The following KCNA7 variants were observed in gnomAD, a reference collection of about 807,000 sequenced individuals.
The protein encoded by KCNA7 is potassium channel, voltage gated shaker related subfamily A, member 7.
Under a neutral mutation model 21.5 loss-of-function variants are expected in KCNA7, and 15 were observed. That is an observed-to-expected ratio of 0.70 (90% CI 0.47 to 1.07). The LOEUF (loss-of-function observed/expected upper bound fraction) is 1.07, where lower values mean the gene tolerates loss of function less well. KCNA7 is among the 50% of genes least tolerant of loss of function. KCNA7 has a pLI of 0.00. For missense variants in KCNA7, 640 were observed against 651.6 expected (o/e 0.98, Z 0.19); for synonymous variants, 298 against 291.0 (o/e 1.02, Z -0.24).
chr19:49,071,952 A>C, intron 1 of KCNA7, 79 bp downstream of exon 1: 1 of 1,226,014 alleles, frequency 8.2e-7, no homozygotes, highest in South Asian at 1.5e-5. Context: ...GCCCCGCCTT[A>C]TGATTGGCCA....
In KCNA7 at chr19:49,070,209, C is replaced by G. The variant is rs1600256697; in HGVS notation, c.1225G>C (p.Glu409Gln). The G allele has an allele frequency of 2.5e-6, 4 of 1,614,230 alleles. No individual in the cohort carries two copies. The highest frequency in any genetic ancestry group is 2.5e-6 in the Non-Finnish European group (3 of 1,180,046). Residue 409 changes from glutamate to glutamine, a missense_variant, in exon 2 of 2, where the codon GAG becomes CAG. Glu to Gln is a conservative substitution (Grantham distance 29, BLOSUM62 2). Coordinates refer to ENST00000221444, the MANE Select transcript of KCNA7 (RefSeq NM_031886.3). The surrounding 1 kb of genome is among the most constrained non-coding windows in gnomAD (Gnocchi z 4.3). Reference sequence around the variant, plus strand: ...TCCACATGGCTGAACATCCCAGCCTCTTCGCCCTCTGTCTCCCGGTGATAA... The same window carrying G: ...TCCACATGGCTGAACATCCCAGCCTGTTCGCCCTCTGTCTCCCGGTGATAA... ...YFYHRETEGEEAGMFSHVDMQ... is the reference protein window; with the variant it reads ...YFYHRETEGEQAGMFSHVDMQ...
In KCNA7 at chr19:49,072,285, C is replaced by T. The variant is rs768078948; in HGVS notation, c.301G>A (p.Ala101Thr). The change falls in exon 1 of 2, where the codon GCG (alanine) becomes ACG (threonine). Residue 101 changes from alanine (A) to threonine (T), a missense_variant. Physicochemically the swap from Ala to Thr is moderately conservative, Grantham distance 58. Coordinates refer to ENST00000221444, the MANE Select transcript of KCNA7 (RefSeq NM_031886.3). ...TCCTCGCGCAGGCGTGCCAGGGCCGCCGCGCCCAGCCCGTAGAAGGCCACC... is the reference window on the plus strand; with the variant it reads ...TCCTCGCGCAGGCGTGCCAGGGCCGTCGCGCCCAGCCCGTAGAAGGCCACC... ...EEVAFYGLGA[A>T]ALARLREDEG... The T allele has an allele frequency of 2.5e-6, 4 of 1,581,204 alleles. No homozygotes were observed. Among genetic ancestry groups the T allele is most frequent in the Non-Finnish European group, 1.7e-6 (2 of 1,168,474 alleles).
chr19:49,071,877 C>A (rs1355216064), intron 1 of KCNA7, among the ~76,000 whole-genome samples, 154 bp downstream of exon 1: 1 of 152,204 alleles, frequency 6.6e-6, no homozygotes, highest in South Asian at 2.1e-4. Flanking sequence ...GTCCTCCGAC[C>A]CGGATCCTCA....
Position 49,070,926 on chromosome 19 carries a change from C to T in KCNA7, c.556-48G>A, listed in dbSNP as rs368796641. ...GGAGGGTCAGGCTGGGGCTAGGACA[C>T]GGGGACAGCCTTAATCATCATTTAA... On this transcript the variant is annotated intron_variant, in intron 1 of 1. Coordinates refer to ENST00000221444, the MANE Select transcript of KCNA7 (RefSeq NM_031886.3). The surrounding 1 kb of genome is among the most constrained non-coding windows in gnomAD (Gnocchi z 4.3). The T allele has an allele frequency of 2.1e-4, 316 of 1,477,354 alleles. 1 individual carries two copies. In the African/African-American group the frequency reaches 3.4e-3, roughly 16 times the overall value. 91.5% of individuals were successfully genotyped at this position (1,477,354 alleles called of 1,614,324 possible).
rs775117076 is a variant in KCNA7 at position 49,070,417 on chromosome 19, G to A, written c.1017C>T (p.Asp339=). The A allele has an allele frequency of 3.1e-6, 5 of 1,613,994 alleles. No individual in the cohort carries two copies. The East Asian group carries it at 8.9e-5, about 29-fold the overall frequency. Residue 339 remains aspartate, a synonymous_variant, in exon 2 of 2, where the codon GAC becomes GAT. Coordinates refer to ENST00000221444, the MANE Select transcript of KCNA7 (RefSeq NM_031886.3). The surrounding 1 kb of genome is among the most constrained non-coding windows in gnomAD (Gnocchi z 4.3). ...ACTCAGGGATGCTAGTGAAATGGGA[G>A]TCCACCCGGTCAACTTCGGCAAAGT... ...AVYFAEVDRV[D]SHFTSIPESF... is the part of the protein sequence containing the mutation.
Position 49,071,284 on chromosome 19 carries a change from G to A in KCNA7, c.556-406C>T, listed in dbSNP as rs903637177. 2.1e-4 allele frequency among the ~76,000 whole-genome samples: 32 copies of A among 152,066 alleles called. 1 individual carries two copies. Among genetic ancestry groups the A allele is most frequent in the African/African-American group, 7.5e-4 (31 of 41,400 alleles). On this transcript the variant is annotated intron_variant, in intron 1 of 1. Coordinates refer to ENST00000221444, the MANE Select transcript of KCNA7 (RefSeq NM_031886.3). ...AGCCCAGAGTATAATGCGGCTGGGC[G>A]CGGTGGCTCACGTCTGTAATCCCAG...
Position 49,070,805 on chromosome 19 carries a change from A to G in KCNA7, c.629T>C (p.Phe210Ser). 1 of 1,614,212 alleles carries G rather than the reference A, an allele frequency of 6.2e-7. No homozygotes were observed. Among genetic ancestry groups the G allele is most frequent in the Non-Finnish European group, 8.5e-7 (1 of 1,180,036 alleles). Residue 210 changes from phenylalanine to serine, a missense_variant, in exon 2 of 2, where the codon TTC (phenylalanine) becomes TCC (serine). Phe to Ser is a radical substitution (Grantham distance 155). Coordinates refer to ENST00000221444, the MANE Select transcript of KCNA7 (RefSeq NM_031886.3). This position sits in a 1 kb window ranked among gnomAD's most constrained non-coding sequence, Gnocchi z 4.3. ...PPRLPFNDPF[F>S]VVETLCICWF... is the part of the protein sequence containing the mutation. ...ACAAATACACAGCGTCTCCACCACG[A>G]AGAACGGGTCATTGAAGGGCAGGCG...
rs115128299 is a variant in KCNA7 at position 49,071,984 on chromosome 19, A to G, written c.555+47T>C. 448 of 1,247,262 alleles carry G rather than the reference A, an allele frequency of 3.6e-4. 2 individuals carry two copies. The African/African-American group carries it at 6.6e-3, about 18-fold the overall frequency. The allele number at this position is 1,247,262 out of a possible 1,614,324, so 77.3% of individuals were successfully genotyped here. On this transcript the variant is annotated intron_variant, in intron 1 of 1. Coordinates refer to ENST00000221444, the MANE Select transcript of KCNA7 (RefSeq NM_031886.3). ...GCCAGGTCCCCTCTGGACCCCGCCC[A>G]TCTCCTCCCAAACCCCGCCCGTCTC...
chr19:49,072,596 G>T lies in KCNA7; in HGVS notation c.-11C>A. ...GCACCGCGGCTCCATGGCGCGCGCAGCCCCGGCGACCCGCGAACCGACGTG... is the reference window on the plus strand; with the variant it reads ...GCACCGCGGCTCCATGGCGCGCGCATCCCCGGCGACCCGCGAACCGACGTG... On this transcript the variant is annotated 5_prime_UTR_variant, in exon 1 of 2. In the 5' UTR this introduces an upstream ATG that the reference lacks. Transcript: ENST00000221444. The T allele has an allele frequency of 8.2e-7, 1 of 1,226,652 alleles. No homozygotes were observed. The highest frequency in any genetic ancestry group is 1.0e-6 in the Non-Finnish European group (1 of 987,488). The allele number at this position is 1,226,652 out of a possible 1,614,324, so 76.0% of individuals were successfully genotyped here. A position where few individuals can be genotyped will look rare whatever the true frequency, so the allele number is the denominator to read the frequency against.
rs981944698 is a variant in KCNA7 at position 49,070,999 on chromosome 19, C to A, written c.556-121G>T. 3.8e-6 allele frequency: 3 copies of A among 779,524 alleles called. No homozygotes were observed. In the African/African-American group the frequency reaches 5.3e-5, roughly 14 times the overall value. The allele number at this position is 779,524 out of a possible 1,614,324, so 48.3% of individuals were successfully genotyped here. A position where few individuals can be genotyped will look rare whatever the true frequency, so the allele number is the denominator to read the frequency against. On this transcript the variant is annotated intron_variant, in intron 1 of 1. Transcript: ENST00000221444. This position sits in a 1 kb window ranked among gnomAD's most constrained non-coding sequence, Gnocchi z 4.3. The stretch of plus-strand genomic sequence containing the variant: ...TTGGTCAGTAGCCGCTGCGCCAAGG[C>A]CCTCCGTGACCTGGTTATCCCAGAC...
Position 49,069,922 on chromosome 19 carries a change from C to G in KCNA7, c.*141G>C, listed in dbSNP as rs2040243963. ...CCAAACCACACAACCCAAGACCCAA[C>G]AAGACTCAGTGTTTCCCCACTCGTT... On this transcript the variant is annotated 3_prime_UTR_variant, in exon 2 of 2. Coordinates refer to ENST00000221444, the MANE Select transcript of KCNA7 (RefSeq NM_031886.3). 1 of 658,828 alleles carries G rather than the reference C, an allele frequency of 1.5e-6. No homozygotes were observed. Among genetic ancestry groups the G allele is most frequent in the Non-Finnish European group, 2.6e-6 (1 of 387,090 alleles). 40.8% of individuals were successfully genotyped at this position (658,828 alleles called of 1,614,324 possible). A position where few individuals can be genotyped will look rare whatever the true frequency, so the allele number is the denominator to read the frequency against.
Position 49,070,923 on chromosome 19 carries a change from A to G in KCNA7, c.556-45T>C. On this transcript the variant is annotated intron_variant, in intron 1 of 1. Transcript: ENST00000221444. This position sits in a 1 kb window ranked among gnomAD's most constrained non-coding sequence, Gnocchi z 4.3. ...CAGGGAGGGTCAGGCTGGGGCTAGG[A>G]CACGGGGACAGCCTTAATCATCATT... The G allele has an allele frequency of 6.7e-7, 1 of 1,496,648 alleles. No homozygotes were observed. The highest frequency in any genetic ancestry group is 2.3e-5 in the East Asian group (1 of 43,550). 92.7% of individuals were successfully genotyped at this position (1,496,648 alleles called of 1,614,324 possible).
At position 49,069,770 on chromosome 19, in the gene KCNA7, C is replaced by G. The variant is rs1600256373; in HGVS notation, c.*293G>C. ...CAAAATGATACGACCAAACCTATCT[C>G]AACACTACCCCAAAAGGCTCCATGA... On this transcript the variant is annotated 3_prime_UTR_variant, in exon 2 of 2. Transcript: ENST00000221444. 2.6e-6 allele frequency: 1 copy of G among 388,100 alleles called. No individual in the cohort carries two copies. Among genetic ancestry groups the G allele is most frequent in the Non-Finnish European group, 4.7e-6 (1 of 213,502 alleles). 24.0% of individuals were successfully genotyped at this position (388,100 alleles called of 1,614,324 possible).
rs1439203035 is a variant in KCNA7 at position 49,070,843 on chromosome 19, A to C, written c.591T>G (p.Pro197=). Residue 197 remains proline (P), a synonymous_variant, in exon 2 of 2, where the codon CCT becomes CCG. Transcript: ENST00000221444. This position sits in a 1 kb window ranked among gnomAD's most constrained non-coding sequence, Gnocchi z 4.3. Reference sequence around the variant, plus strand: ...TGAAGGGCAGGCGGGGTGGATTTCCAGGCATTTGGCTGGAGCCATTCAGCG... The same window carrying C: ...TGAAGGGCAGGCGGGGTGGATTTCCCGGCATTTGGCTGGAGCCATTCAGCG... ...PAPLNGSSQM[P]GNPPRLPFND... is the part of the protein sequence containing the mutation. 3 of 1,613,906 alleles carry C rather than the reference A, an allele frequency of 1.9e-6. No individual in the cohort carries two copies. The Admixed American group carries it at 5.0e-5, about 27-fold the overall frequency.
At chr19:49,071,144 G>A (rs1168516779) in intron 1 of KCNA7, among the ~76,000 whole-genome samples, 4 of 152,032 alleles carry the variant, frequency 2.6e-5, no homozygotes, top group Non-Finnish European at 5.9e-5. Context: ...TTTGAGTAGG[G>A]TGCAACCTCT....
In KCNA7 at chr19:49,070,622, G is replaced by A. The variant is rs2040250445; in HGVS notation, c.812C>T (p.Ala271Val). Reference sequence around the variant, plus strand: ...GACTCTCAGGATGGCCAGTGACATGGCCTGCTGGCCCACCCCTCGCTGCCG... The same window carrying A: ...GACTCTCAGGATGGCCAGTGACATGACCTGCTGGCCCACCCCTCGCTGCCG... Reference protein sequence around the residue: ...LARQRGVGQQAMSLAILRVIR... With the variant: ...LARQRGVGQQVMSLAILRVIR... Residue 271 changes from alanine to valine, a missense_variant, in exon 2 of 2, where the codon GCC becomes GTC. Physicochemically the swap from Ala to Val is moderately conservative, Grantham distance 64. Coordinates refer to ENST00000221444, the MANE Select transcript of KCNA7 (RefSeq NM_031886.3). This position sits in a 1 kb window ranked among gnomAD's most constrained non-coding sequence, Gnocchi z 4.3. 6.2e-7 allele frequency: 1 copy of A among 1,614,088 alleles called. No individual in the cohort carries two copies. Among genetic ancestry groups the A allele is most frequent in the South Asian group, 1.1e-5 (1 of 91,088 alleles).
chr19:49,071,908 C>CCCCTTT, intron 1 of KCNA7, 123 bp downstream of exon 1: 1 of 926,960 alleles, frequency 1.1e-6, no homozygotes. Context: ...CCCGCCCACC[C>CCCCTTT]TGTCTTCGGC....
At chr19:49,071,799 C>G (rs145594221) in intron 1 of KCNA7, among the ~76,000 whole-genome samples, 3,275 of 152,278 alleles carry the variant, frequency 0.022, 63 homozygotes, top group Non-Finnish European at 0.028. Flanking sequence ...CTACCCCTTG[C>G]ATCAAGGGCC....
Position 49,072,279 on chromosome 19 carries a change from G to A in KCNA7, c.307C>T (p.Leu103=), listed in dbSNP as rs2040264899. 3 of 1,580,650 alleles carry A rather than the reference G, an allele frequency of 1.9e-6. No individual in the cohort carries two copies. The highest frequency in any genetic ancestry group is 2.3e-5 in the South Asian group (2 of 87,520). ...CCCTCGTCCTCGCGCAGGCGTGCCA[G>A]GGCCGCCGCGCCCAGCCCGTAGAAG... ...VAFYGLGAAA[L]ARLREDEGCP... Residue 103 remains leucine, a synonymous_variant, in exon 1 of 2, where the codon CTG becomes TTG. Transcript: ENST00000221444.
Sources: allele counts gnomAD v4.1 joint callset (sites outside exome capture counted in the v4.1 genomes callset), GRCh38; gene constraint gnomAD v4.1.1; non-coding constraint Gnocchi (gnomAD v3.1); transcripts MANE v1.5; gene names NCBI Gene and HGNC (gene_info 2026-07-23, HGNC 2026-07-21).